Variants in ATRX observed in about 807,000 individuals in gnomAD.
The protein encoded by ATRX is chromatin remodeler ATRX.
In ATRX, 12 loss-of-function variants were observed where a neutral mutation model predicts 172.6. The ratio of observed to expected loss-of-function variants is 0.07; its 90% confidence interval spans 0.04 to 0.11. The LOEUF is 0.11. Among genes scored for constraint, ATRX ranks in the 10% least tolerant of loss-of-function variants. The pLI, the probability that ATRX is intolerant of heterozygous loss-of-function variation, is 1.00. For synonymous variants in ATRX, 674 were observed against 594.7 expected (o/e 1.13, Z -1.94); for missense variants, 1,368 against 1,767.4 (o/e 0.77, Z 4.05).
chrX:77,616,031 A>C lies in ATRX; in HGVS notation c.5566+582T>G, dbSNP rs543000354. 5.9e-4 allele frequency: 443 copies of C among 751,357 alleles called. 3 individuals carry two copies. The South Asian group carries it at 0.017, about 29-fold the overall frequency. 61.9% of individuals were successfully genotyped at this position (751,357 alleles called of 1,213,427 possible). A position where few individuals can be genotyped will look rare whatever the true frequency, so the allele number is the denominator to read the frequency against. On this transcript the variant is annotated intron_variant, in intron 22 of 34. Transcript: ENST00000373344. Reference sequence around the variant, plus strand: ...AGACACAGACACACACACACACACAAAAAGCTTATTGATGGTAAAACAAAA... The same window carrying C: ...AGACACAGACACACACACACACACACAAAGCTTATTGATGGTAAAACAAAA...
At chrX:77,696,439 T>C in intron 5 of ATRX, 138 bp downstream of exon 5, 1 of 642,324 alleles carries the variant, frequency 1.6e-6, no homozygotes, top group Non-Finnish European at 2.4e-6. Context: ...CATACAAATA[T>C]ATTTCTAGAC....
intron 15 of ATRX, among the ~76,000 whole-genome samples, chrX:77,650,450 A>G (rs1557116104): frequency 8.9e-6 from 1 of 112,236 alleles, no homozygotes; most frequent in African/African-American, 3.2e-5. Flanking sequence ...CTGGTTTCTT[A>G]AGCAAATGAA....
At chrX:77,648,735 A>G (rs1158260241) in intron 15 of ATRX, among the ~76,000 whole-genome samples, 2 of 111,213 alleles carry the variant, frequency 1.8e-5, no homozygotes, top group Non-Finnish European at 3.8e-5. Context: ...CAGAACCTAC[A>G]AAGTATAATG....
intron 1 of ATRX, among the ~76,000 whole-genome samples, chrX:77,734,874 G>A (rs1384531859): frequency 9.1e-6 from 1 of 110,121 alleles, no homozygotes; most frequent in Non-Finnish European, 1.9e-5. Flanking sequence ...AATTTGGGGG[G>A]CCGAGGCAGG....
chrX:77,596,794 T>C (rs781874668), intron 25 of ATRX: 5 of 110,955 alleles, frequency 4.5e-5, no homozygotes, highest in African/African-American at 1.3e-4. Flanking sequence ...CAGATTCTAA[T>C]TGTATTCCCA....
chrX:77,726,771 T>C (rs1557173259), intron 1 of ATRX, among the ~76,000 whole-genome samples: 1 of 109,798 alleles, frequency 9.1e-6, no homozygotes, highest in Non-Finnish European at 1.9e-5. Flanking sequence ...AATCCTGATA[T>C]TAGCTAACTA....
intron 34 of ATRX, among the ~76,000 whole-genome samples, chrX:77,512,271 A>G: frequency 8.9e-6 from 1 of 112,280 alleles, no homozygotes; most frequent in Non-Finnish European, 1.9e-5. Context: ...TGTGAAGGAG[A>G]AATAAAGACT....
chrX:77,724,601 T>C (rs782349580), intron 1 of ATRX, among the ~76,000 whole-genome samples: 4 of 111,135 alleles, frequency 3.6e-5, no homozygotes, highest in East Asian at 2.8e-4. Flanking sequence ...TAGAGTCAAA[T>C]ATGGTGAAAA....
chrX:77,767,259 G>A (rs782591047), intron 1 of ATRX, among the ~76,000 whole-genome samples: 2 of 108,091 alleles, frequency 1.9e-5, no homozygotes, highest in East Asian at 5.9e-4. Context: ...GGGAGAGAGG[G>A]AGAGAGGGAG....
chrX:77,668,033 A>G (rs1190088407), intron 10 of ATRX, among the ~76,000 whole-genome samples: 4 of 112,046 alleles, frequency 3.6e-5, no homozygotes, highest in African/African-American at 9.7e-5. Context: ...CATTTTGCAT[A>G]AGTTATTACT....
intron 26 of ATRX, among the ~76,000 whole-genome samples, chrX:77,590,706 T>A (rs989233339): frequency 9.4e-6 from 1 of 106,770 alleles, no homozygotes; most frequent in Admixed American, 1.0e-4. Flanking sequence ...AACATCCACA[T>A]GAAAAAAAGT....
chrX:77,720,399 T>A (rs1557168173), intron 1 of ATRX, among the ~76,000 whole-genome samples: 1 of 111,380 alleles, frequency 9.0e-6, no homozygotes, highest in Non-Finnish European at 1.9e-5. Context: ...GAGGTGTTTT[T>A]TTGAGAAGAT....
intron 30 of ATRX, among the ~76,000 whole-genome samples, chrX:77,533,976 C>T (rs2063668483): frequency 9.0e-6 from 1 of 111,563 alleles, no homozygotes; most frequent in South Asian, 3.7e-4. Flanking sequence ...ATTAAGACTG[C>T]TTCCAGTTTT....
chrX:77,604,784 G>A (rs2066836880), intron 22 of ATRX, among the ~76,000 whole-genome samples: 1 of 112,400 alleles, frequency 8.9e-6, no homozygotes, highest in Admixed American at 9.4e-5. Context: ...CAAAGAACAC[G>A]TGGTATATAT....
intron 27 of ATRX, among the ~76,000 whole-genome samples, chrX:77,579,802 C>T (rs782117752): frequency 4.5e-4 from 50 of 112,272 alleles, no homozygotes; most frequent in Middle Eastern, 4.6e-3. Flanking sequence ...AATATGACCT[C>T]ATCAAATGAA....
chrX:77,506,897 C>CTTTTT lies in ATRX; in HGVS notation c.*1449_*1453dup, dbSNP rs139948612. 1.7e-4 allele frequency: 10 copies of CTTTTT among 60,053 alleles called. No individual in the cohort carries two copies. The highest frequency in any genetic ancestry group is 2.4e-4 in the Non-Finnish European group (8 of 32,941). The allele number at this position is 60,053 out of a possible 1,213,427, so 4.9% of individuals were successfully genotyped here. On this transcript the variant is annotated 3_prime_UTR_variant, in exon 35 of 35. Transcript: ENST00000373344. ...TAAAGCAAAGCCCAAACCCAGTTTTCTTTTTTTTTTTTTTTTTTTTTTTTT... is the reference window on the plus strand; with the variant it reads ...TAAAGCAAAGCCCAAACCCAGTTTTCTTTTTTTTTTTTTTTTTTTTTTTTTTTTTT...
At chrX:77,784,092 G>C (rs919852835) in intron 1 of ATRX, among the ~76,000 whole-genome samples, 2 of 112,050 alleles carry the variant, frequency 1.8e-5, no homozygotes, top group African/African-American at 6.5e-5. Flanking sequence ...CAGCTGAAGG[G>C]GGCATTAATG....
rs2148633197 is a variant in ATRX, at chrX:77,684,275, T to C, written c.981A>G (p.Glu327=). 1 of 1,209,614 alleles carries C rather than the reference T, an allele frequency of 8.3e-7. No individual in the cohort carries two copies. Among genetic ancestry groups the C allele is most frequent in the East Asian group, 3.0e-5 (1 of 33,863 alleles). The change falls in exon 9 of 35, where the codon GAA becomes GAG. Residue 327 remains glutamate, a synonymous_variant. Transcript: ENST00000373344. ...AACAGGAATCATCTAATTTCTTTTC[T>C]TCTCCATTACAATTTGAACTAGTCT... ...PKKTSSNCNG[E]EKKLDDSCSG... is the part of the protein sequence containing the mutation.
At chrX:77,621,525 T>A (rs782428265) in intron 19 of ATRX, among the ~76,000 whole-genome samples, 1 of 111,929 alleles carries the variant, frequency 8.9e-6, no homozygotes, top group African/African-American at 3.2e-5. Flanking sequence ...TTGGTCAGGC[T>A]GGTCTCAAAC....
Sources: allele counts gnomAD v4.1 joint callset (sites outside exome capture counted in the v4.1 genomes callset), GRCh38; gene constraint gnomAD v4.1.1; transcripts MANE v1.5; gene names NCBI Gene and HGNC (gene_info 2026-07-23, HGNC 2026-07-21).